Variants in PRRX2 observed in about 807,000 individuals in gnomAD.
PRRX2 encodes paired related homeobox 2.
A neutral mutation model predicts 18.0 loss-of-function variants in PRRX2; 11 were observed. The ratio of observed to expected loss-of-function variants is 0.61; its 90% CI spans 0.39 to 1.01. The LOEUF (loss-of-function observed/expected upper bound fraction) is 1.01. PRRX2 is among the 50% of genes least tolerant of loss of function. The probability of loss-of-function intolerance (pLI) is 0.01; values close to 1 mark genes in which losing one functional copy is unlikely to be tolerated. For synonymous variants in PRRX2, 177 were observed against 154.8 expected, an observed-to-expected ratio of 1.14 and a Z score of -1.06; for missense variants, 387 against 351.0, an observed-to-expected ratio of 1.10 and a Z score of -0.82.
Position 129,722,214 on chromosome 9 carries a change from C to G in PRRX2, c.627-3C>G, listed in dbSNP as rs775151375. 2 of 1,613,240 alleles carry G rather than the reference C, an allele frequency of 1.2e-6. No individual in the cohort carries two copies. Among genetic ancestry groups the G allele is most frequent in the Non-Finnish European group, 1.7e-6 (2 of 1,179,604 alleles). Reference sequence around the variant, plus strand: ...TGTGACCTGTGTCTCATGTCGCCCCCAGCACAGTGCCACCCTACAGCCCTG... The same window carrying G: ...TGTGACCTGTGTCTCATGTCGCCCCGAGCACAGTGCCACCCTACAGCCCTG... On this transcript the variant is annotated splice_polypyrimidine_tract_variant and splice_region_variant and intron_variant, in intron 3 of 3. Transcript: ENST00000372469.
intron 1 of PRRX2, among the ~76,000 whole-genome samples, chr9:129,706,913 ACCT>A (rs1832564559): frequency 6.6e-6 from 1 of 152,086 alleles, no homozygotes. Flanking sequence ...CTGCCAGTCT[ACCT>A]CCATCTCTAT....
chr9:129,708,114 C>T (rs185123884), intron 1 of PRRX2, among the ~76,000 whole-genome samples: 2 of 152,240 alleles, frequency 1.3e-5, no homozygotes, highest in Admixed American at 1.3e-4. Flanking sequence ...CGGCTCACTG[C>T]AACCTCCACC....
At chr9:129,708,861 C>A (rs1832586528) in intron 1 of PRRX2, among the ~76,000 whole-genome samples, 1 of 152,232 alleles carries the variant, frequency 6.6e-6, no homozygotes, top group African/African-American at 2.4e-5. Flanking sequence ...AACTTCTTGC[C>A]TGGTCCTGGG....
intron 1 of PRRX2, among the ~76,000 whole-genome samples, chr9:129,691,437 T>TATTTATGCTTG (rs1259487298): frequency 6.6e-6 from 1 of 152,150 alleles, no homozygotes; most frequent in African/African-American, 2.4e-5. Context: ...ATTTTGCTGT[T>TATTTATGCTTG]ATTTATGCTT....
chr9:129,673,652 CCACACACACACA>C (rs3054761), intron 1 of PRRX2, among the ~76,000 whole-genome samples: 1 of 149,220 alleles, frequency 6.7e-6, no homozygotes, highest in Non-Finnish European at 1.5e-5. Flanking sequence ...ACCCCCCATG[CCACACACACACA>C]CACACACACA....
chr9:129,696,434 G>A (rs1832423093), intron 1 of PRRX2, among the ~76,000 whole-genome samples: 1 of 152,172 alleles, frequency 6.6e-6, no homozygotes, highest in South Asian at 2.1e-4. Flanking sequence ...AATTGGCCAG[G>A]CGTGGTAGTG....
At chr9:129,717,901 T>G (rs1003545820) in intron 1 of PRRX2, among the ~76,000 whole-genome samples, 1 of 152,066 alleles carries the variant, frequency 6.6e-6, no homozygotes, top group African/African-American at 2.4e-5. Context: ...ACCGGCAGCA[T>G]TAGTTGATTC....
intron 3 of PRRX2, among the ~76,000 whole-genome samples, chr9:129,721,961 G>T (rs190248491): frequency 1.2e-3 from 176 of 152,268 alleles, no homozygotes; most frequent in African/African-American, 4.1e-3. Context: ...ACGCATGGAG[G>T]GGGGCATGGA....
At chr9:129,677,302 G>A (rs1382072075) in intron 1 of PRRX2, among the ~76,000 whole-genome samples, 1 of 152,214 alleles carries the variant, frequency 6.6e-6, no homozygotes, top group East Asian at 1.9e-4. Context: ...TCATCTTACA[G>A]GCGAGGAAAC....
chr9:129,666,156 G>GCGGCGC, intron 1 of PRRX2, 30 bp downstream of exon 1: 3 of 923,938 alleles, frequency 3.2e-6, no homozygotes, highest in Non-Finnish European at 3.9e-6. Flanking sequence ...GACGGGGGTG[G>GCGGCGC]CGGGGCCGGG....
intron 3 of PRRX2, 62 bp from the exon 4 acceptor site, chr9:129,722,155 T>C (rs934020050): frequency 6.4e-7 from 1 of 1,568,938 alleles, no homozygotes; most frequent in Non-Finnish European, 8.6e-7. Context: ...GAGGCTGGGG[T>C]CGAGCACTGA....
chr9:129,705,642 A>T (rs1023100811), intron 1 of PRRX2, among the ~76,000 whole-genome samples: 1 of 150,822 alleles, frequency 6.6e-6, no homozygotes, highest in African/African-American at 2.4e-5. Context: ...AGCACGAGCC[A>T]CTGTGCCTGG....
At chr9:129,721,423 C>T (rs1213835000) in intron 3 of PRRX2, among the ~76,000 whole-genome samples, 2 of 152,098 alleles carry the variant, frequency 1.3e-5, no homozygotes, top group African/African-American at 4.8e-5. Context: ...GCCGTCTGCT[C>T]CTTGGGCTGT....
intron 1 of PRRX2, among the ~76,000 whole-genome samples, chr9:129,710,602 A>G (rs566701893): frequency 1.7e-4 from 26 of 152,294 alleles, no homozygotes; most frequent in Admixed American, 4.6e-4. Flanking sequence ...GTGTGGTGGC[A>G]GGCACTTGTA....
Position 129,719,348 on chromosome 9 carries a change from C to T in PRRX2, c.377C>T (p.Thr126Met), listed in dbSNP as rs745608136. Residue 126 changes from threonine to methionine, a missense_variant, in exon 2 of 4, where the codon ACG becomes ATG. Transcript: ENST00000372469. ...GCGCTGGAGCGCGTGTTCGAGCGCACGCACTACCCCGACGCCTTTGTGCGC... is the reference window on the plus strand; with the variant it reads ...GCGCTGGAGCGCGTGTTCGAGCGCATGCACTACCCCGACGCCTTTGTGCGC... ...LQALERVFER[T>M]HYPDAFVREE... 2 of 1,588,150 alleles carry T rather than the reference C, an allele frequency of 1.3e-6. No homozygotes were observed. The highest frequency in any genetic ancestry group is 1.7e-6 in the Non-Finnish European group (2 of 1,168,164).
chr9:129,669,211 C>T (rs941279669), intron 1 of PRRX2, among the ~76,000 whole-genome samples: 3 of 151,666 alleles, frequency 2.0e-5, no homozygotes, highest in South Asian at 2.1e-4. Context: ...AGATAAAGCC[C>T]GCTACTGCCA....
At chr9:129,687,342 G>T (rs1032191506) in intron 1 of PRRX2, among the ~76,000 whole-genome samples, 1 of 152,186 alleles carries the variant, frequency 6.6e-6, no homozygotes, top group African/African-American at 2.4e-5. Context: ...CGGGCCCCTC[G>T]GGGTTGGTGA....
At position 129,704,138 on chromosome 9, in the gene PRRX2, A is replaced by G. The variant is rs537488802; in HGVS notation, c.260-15093A>G. Among the ~76,000 whole-genome samples the G allele has an allele frequency of 2.9e-4, 44 of 152,314 alleles. No homozygotes were observed. The South Asian group carries it at 9.1e-3, about 32-fold the overall frequency. On this transcript the variant is annotated intron_variant, in intron 1 of 3. Transcript: ENST00000372469. ...CTTTTCTGCACGCCTGTGTTTTTCT[A>G]GGGAATGGTTCGTAGAGTTCCTCAG...
chr9:129,682,526 CCCCA>C (rs1832246053), intron 1 of PRRX2, among the ~76,000 whole-genome samples: 2 of 152,034 alleles, frequency 1.3e-5, no homozygotes, highest in Non-Finnish European at 2.9e-5. Flanking sequence ...TCCGCCCCAG[CCCCA>C]CCCTGGGGCG....
Sources: allele counts gnomAD v4.1 joint callset (sites outside exome capture counted in the v4.1 genomes callset), GRCh38; gene constraint gnomAD v4.1.1; transcripts MANE v1.5; gene names NCBI Gene and HGNC (gene_info 2026-07-23, HGNC 2026-07-21).